Variants in RAB38 observed in about 807,000 individuals in gnomAD.
The protein encoded by RAB38 is ras-related protein Rab-38.
Under a neutral mutation model 18.4 loss-of-function variants are expected in RAB38, and 15 were observed. The ratio of observed to expected loss-of-function variants is 0.82; its 90% CI spans 0.55 to 1.26. The LOEUF (loss-of-function observed/expected upper bound fraction) is 1.26, where lower values mean the gene tolerates loss of function less well. Among genes scored for constraint, RAB38 ranks in the 50% most tolerant of loss-of-function variants. The pLI, the probability that RAB38 is intolerant of heterozygous loss-of-function variation, is 0.00. For synonymous variants in RAB38, 101 were observed against 104.4 expected, an observed-to-expected ratio of 0.97 and a Z score of 0.20; for missense variants, 294 against 267.4, an observed-to-expected ratio of 1.10 and a Z score of -0.69.
chr11:87,935,632 G>A, the RAB38 span, among the ~76,000 whole-genome samples: 1 of 152,006 alleles, frequency 6.6e-6, no homozygotes, highest in Non-Finnish European at 1.5e-5. Flanking sequence ...TTCCCCAGTG[G>A]TAACCTCTTG....
At chr11:88,107,432 A>G in the RAB38 span, among the ~76,000 whole-genome samples, 1 of 152,168 alleles carries the variant, frequency 6.6e-6, no homozygotes, top group Non-Finnish European at 1.5e-5. Flanking sequence ...AAAAATAAGC[A>G]TAGTAGTATC....
chr11:87,939,884 CAT>C, the RAB38 span, among the ~76,000 whole-genome samples: 3 of 151,990 alleles, frequency 2.0e-5, no homozygotes, highest in African/African-American at 7.3e-5. Context: ...GCCTGAGTGA[CAT>C]AGCCAGACCT....
the RAB38 span, among the ~76,000 whole-genome samples, chr11:87,837,390 G>T: frequency 2.0e-5 from 3 of 152,156 alleles, no homozygotes; most frequent in Admixed American, 2.0e-4. Flanking sequence ...TCTATTATCA[G>T]TTCTTCCAGA....
At chr11:88,022,530 T>A in the RAB38 span, among the ~76,000 whole-genome samples, 1 of 137,652 alleles carries the variant, frequency 7.3e-6, no homozygotes, top group African/African-American at 2.8e-5. Flanking sequence ...ATAAACGGCA[T>A]CCAAATTGGA....
the RAB38 span, among the ~76,000 whole-genome samples, chr11:87,827,005 G>T: frequency 6.6e-6 from 1 of 152,128 alleles, no homozygotes; most frequent in Admixed American, 6.6e-5. Flanking sequence ...GGATATCATG[G>T]TATTTGTGGA....
the RAB38 span, among the ~76,000 whole-genome samples, chr11:88,028,983 G>A: frequency 2.6e-5 from 4 of 152,142 alleles, no homozygotes; most frequent in Non-Finnish European, 5.9e-5. Context: ...CAGAGAGAAA[G>A]GTCGGGTTAC....
At chr11:88,005,406 AT>A in the RAB38 span, among the ~76,000 whole-genome samples, 49,928 of 150,800 alleles carry the variant, frequency 0.33, 8,668 homozygotes, top group East Asian at 0.53. Context: ...ATTAAAAAAA[AT>A]ATCCTACAAC....
the RAB38 span, chr11:88,061,942 A>G: frequency 6.6e-6 from 1 of 152,240 alleles, no homozygotes; most frequent in South Asian, 2.1e-4. Flanking sequence ...TTTGTCTTCA[A>G]TTTTGCTGTT....
the RAB38 span, among the ~76,000 whole-genome samples, chr11:87,963,356 G>A: frequency 0.092 from 14,055 of 152,152 alleles, 711 homozygotes; most frequent in Middle Eastern, 0.15. Context: ...TCAGTTGTGA[G>A]TAAGGCATAA....
chr11:88,118,734 C>T (rs536548475), intron 2 of RAB38, among the ~76,000 whole-genome samples: 9 of 152,142 alleles, frequency 5.9e-5, no homozygotes, highest in East Asian at 1.9e-4. Flanking sequence ...TAAGGTAATG[C>T]GTGTTCTTCT....
At chr11:87,931,419 C>T in the RAB38 span, among the ~76,000 whole-genome samples, 1 of 151,978 alleles carries the variant, frequency 6.6e-6, no homozygotes, top group Non-Finnish European at 1.5e-5. Flanking sequence ...CAGCTCCACT[C>T]AGGCTGATGC....
the RAB38 span, among the ~76,000 whole-genome samples, chr11:88,047,235 T>C: frequency 3.3e-5 from 5 of 152,188 alleles, no homozygotes; most frequent in South Asian, 4.1e-4. Context: ...GTTCCTGGCC[T>C]GGACTTCAAT....
chr11:88,148,979 A>G (rs1189875497), intron 2 of RAB38, among the ~76,000 whole-genome samples: 1 of 152,064 alleles, frequency 6.6e-6, no homozygotes, highest in Non-Finnish European at 1.5e-5. Context: ...ACAAAAAGAG[A>G]GTAGAACAAA....
the RAB38 span, among the ~76,000 whole-genome samples, chr11:87,963,144 G>A: frequency 1.1e-4 from 17 of 151,960 alleles, no homozygotes; most frequent in South Asian, 6.2e-4. Context: ...TATAAAAACT[G>A]TAACAGTATA....
chr11:88,044,545 C>T, the RAB38 span, among the ~76,000 whole-genome samples: 3 of 152,138 alleles, frequency 2.0e-5, no homozygotes, highest in African/African-American at 4.8e-5. Flanking sequence ...AATACAAACT[C>T]GACAGTGGTT....
At chr11:88,111,363 G>C (rs1037605965), downstream of RAB38, among the ~76,000 whole-genome samples, 1 of 152,026 alleles carries the variant, frequency 6.6e-6, no homozygotes, top group African/African-American at 2.4e-5. Flanking sequence ...TATGGTGAAT[G>C]ACCCTTGTCT....
the RAB38 span, among the ~76,000 whole-genome samples, chr11:87,891,852 GC>G: frequency 6.6e-6 from 1 of 151,732 alleles, no homozygotes; most frequent in African/African-American, 2.4e-5. Flanking sequence ...CATTTCCATG[GC>G]CTTTATAAGA....
At chr11:88,170,302 A>C (rs1943295217) in intron 1 of RAB38, among the ~76,000 whole-genome samples, 1 of 152,250 alleles carries the variant, frequency 6.6e-6, no homozygotes, top group South Asian at 2.1e-4. Context: ...AGCATGGCTC[A>C]GACTCGATAT....
intron 2 of RAB38, among the ~76,000 whole-genome samples, chr11:88,134,229 C>A (rs917871957): frequency 6.6e-6 from 1 of 152,030 alleles, no homozygotes; most frequent in East Asian, 1.9e-4. Flanking sequence ...TCAAAAACTG[C>A]CAACTCTATT....
Sources: allele counts gnomAD v4.1 joint callset (sites outside exome capture counted in the v4.1 genomes callset), GRCh38; gene constraint gnomAD v4.1.1; transcripts MANE v1.5; gene names NCBI Gene and HGNC (gene_info 2026-07-23, HGNC 2026-07-21).